The following ADARB2 variants were observed in gnomAD, a reference collection of about 807,000 sequenced individuals.
The protein encoded by ADARB2 is inactive double-stranded RNA-specific editase B2.
Under a neutral mutation model 62.2 loss-of-function variants are expected in ADARB2, and 25 were observed. The ratio of observed to expected loss-of-function variants is 0.40; its 90% CI spans 0.29 to 0.56. ADARB2 has a LOEUF of 0.56. Ranked by LOEUF, ADARB2 falls within the 20% of genes least tolerant of loss-of-function variation. The pLI is 0.43. For missense variants in ADARB2, 1,071 were observed against 1,077.4 expected (o/e 0.99, Z 0.08); for synonymous variants, 572 against 500.8 (o/e 1.14, Z -1.90).
chr10:1,715,941 G>A (rs993337054), intron 1 of ADARB2, among the ~76,000 whole-genome samples: 10 of 152,290 alleles, frequency 6.6e-5, no homozygotes, highest in Middle Eastern at 3.4e-3. Context: ...CACACTTCTC[G>A]CCCGACTGCT....
intron 1 of ADARB2, among the ~76,000 whole-genome samples, chr10:1,536,886 C>T (rs1832339485): frequency 6.6e-6 from 1 of 152,194 alleles, no homozygotes; most frequent in African/African-American, 2.4e-5. Flanking sequence ...CAATGCCATT[C>T]AGGACATAGT....
chr10:1,679,192 C>G (rs1163571068), intron 1 of ADARB2, among the ~76,000 whole-genome samples: 1 of 152,184 alleles, frequency 6.6e-6, no homozygotes, highest in Admixed American at 6.5e-5. Context: ...GAGCTGCCCT[C>G]TCCTTCATCC....
At chr10:1,559,075 A>C (rs940585332) in intron 1 of ADARB2, among the ~76,000 whole-genome samples, 1 of 152,218 alleles carries the variant, frequency 6.6e-6, no homozygotes, top group Non-Finnish European at 1.5e-5. Flanking sequence ...GTCCACGTAC[A>C]CATCCACATG....
At chr10:1,534,634 T>C (rs533064976) in intron 1 of ADARB2, 51 of 153,370 alleles carry the variant, frequency 3.3e-4, no homozygotes, top group Admixed American at 1.3e-3. Context: ...TTCCCTGTTT[T>C]ACCCTGTGGT....
chr10:1,242,240 C>T lies in ADARB2; in HGVS notation c.1252G>A (p.Gly418Ser), dbSNP rs146452150. ...AGCCCCTGGTCACTGAGGTGCTCGC[C>T]GCTGATGCACTTGGTCCCCGAGGAC... Reference protein sequence around the residue: ...ALSSGTKCISGEHLSDQGLVV... With the variant: ...ALSSGTKCISSEHLSDQGLVV... Residue 418 changes from glycine (G) to serine (S), a missense_variant, in exon 5 of 10, where the codon GGC (glycine) becomes AGC (serine). Coordinates refer to ENST00000381312, the MANE Select transcript of ADARB2 (RefSeq NM_018702.4). The T allele has an allele frequency of 6.3e-3, 9,992 of 1,595,306 alleles. 40 individuals are homozygous for T. Among genetic ancestry groups the T allele is most frequent in the Non-Finnish European group, 7.7e-3 (8,980 of 1,172,400 alleles).
intron 1 of ADARB2, among the ~76,000 whole-genome samples, chr10:1,406,981 A>AC (rs1360603922): frequency 3.3e-5 from 5 of 152,156 alleles, no homozygotes; most frequent in Non-Finnish European, 2.9e-5. Context: ...ATGGCCAGGG[A>AC]CGCTGGTGAT....
At chr10:1,480,547 A>C in intron 1 of ADARB2, among the ~76,000 whole-genome samples, 1 of 152,050 alleles carries the variant, frequency 6.6e-6, no homozygotes, top group East Asian at 1.9e-4. Flanking sequence ...AAATACAAAA[A>C]ATTAGCTGGC....
chr10:1,732,636 A>G (rs1835248464), intron 1 of ADARB2, among the ~76,000 whole-genome samples: 1 of 152,170 alleles, frequency 6.6e-6, no homozygotes, highest in Non-Finnish European at 1.5e-5. Flanking sequence ...CTTCCTCTTG[A>G]GCTGTCAGTG....
chr10:1,254,364 G>A (rs1017441798), intron 4 of ADARB2, among the ~76,000 whole-genome samples: 2 of 152,250 alleles, frequency 1.3e-5, no homozygotes, highest in Non-Finnish European at 2.9e-5. Flanking sequence ...ATGGGTAGAA[G>A]CCTTGCTCAC....
At chr10:1,278,506 A>C (rs1170899465) in intron 3 of ADARB2, among the ~76,000 whole-genome samples, 3 of 151,796 alleles carry the variant, frequency 2.0e-5, no homozygotes, top group Non-Finnish European at 4.4e-5. Context: ...TCCACTCATA[A>C]GTGAGAACAT....
chr10:1,687,764 G>A (rs368133614), intron 1 of ADARB2, among the ~76,000 whole-genome samples: 1 of 152,106 alleles, frequency 6.6e-6, no homozygotes, highest in Non-Finnish European at 1.5e-5. Flanking sequence ...ATTCAGGGCC[G>A]GGCAGGAGGG....
chr10:1,658,042 CTCT>C (rs1834194290), intron 1 of ADARB2, among the ~76,000 whole-genome samples: 1 of 100,450 alleles, frequency 1.0e-5, no homozygotes, highest in Non-Finnish European at 2.4e-5. Flanking sequence ...GTCTGTGTAT[CTCT>C]TCTGTCTCTA....
At chr10:1,267,651 AC>A (rs552120792) in intron 4 of ADARB2, among the ~76,000 whole-genome samples, 76 of 152,326 alleles carry the variant, frequency 5.0e-4, no homozygotes, top group African/African-American at 1.7e-3. Context: ...CCAGAAAAAA[AC>A]ACGCACAATA....
At chr10:1,546,677 C>T (rs913513966) in intron 1 of ADARB2, among the ~76,000 whole-genome samples, 6 of 152,224 alleles carry the variant, frequency 3.9e-5, no homozygotes, top group Non-Finnish European at 7.3e-5. Flanking sequence ...AGAAAGGCCA[C>T]GTCCCGGCTG....
intron 1 of ADARB2, among the ~76,000 whole-genome samples, chr10:1,717,102 T>C (rs1835028305): frequency 6.7e-6 from 1 of 150,228 alleles, no homozygotes; most frequent in Admixed American, 6.7e-5. Flanking sequence ...GATCACGTGT[T>C]TCACAACCAA....
rs553204988 is a variant in ADARB2, at chr10:1,463,815, A to G, written c.101-84655T>C. Reference sequence around the variant, plus strand: ...CTGGACCAGTATCCAGAATAGGGAAAGCACTCTCAAAATTCAAAATTAAGA... The same window carrying G: ...CTGGACCAGTATCCAGAATAGGGAAGGCACTCTCAAAATTCAAAATTAAGA... On this transcript the variant is annotated intron_variant, in intron 1 of 9. Coordinates refer to ENST00000381312, the MANE Select transcript of ADARB2 (RefSeq NM_018702.4). 9.9e-5 allele frequency among the ~76,000 whole-genome samples: 15 copies of G among 152,216 alleles called. No individual in the cohort carries two copies. In the East Asian group the frequency reaches 2.9e-3, roughly 29 times the overall value.
rs183452888 is a variant in ADARB2 at position 1,269,472 on chromosome 10, G to C, written c.1192+1483C>G. Among the ~76,000 whole-genome samples, 91 of 152,346 alleles carry C rather than the reference G, an allele frequency of 6.0e-4. 1 individual carries two copies. Among genetic ancestry groups the C allele is most frequent in the African/African-American group, 2.0e-3 (82 of 41,574 alleles). On this transcript the variant is annotated intron_variant, in intron 4 of 9. Transcript: ENST00000381312. ...AACACTTACATGGTACTTGCCATGG[G>C]CTAGGTAACTTTCTAAGAGCTGGAA...
chr10:1,584,097 C>T lies in ADARB2; in HGVS notation c.100+152954G>A, dbSNP rs572081275. ...AGGTATGATGCTGACTTTTTAGATA[C>T]GACACCCAAGAAACAATCCATAAAA... On this transcript the variant is annotated intron_variant, in intron 1 of 9. Transcript: ENST00000381312. 1.7e-4 allele frequency among the ~76,000 whole-genome samples: 26 copies of T among 152,164 alleles called. No individual in the cohort carries two copies. The South Asian group carries it at 2.7e-3, about 16-fold the overall frequency.
chr10:1,526,741 TC>T, intron 1 of ADARB2: 2 of 391,172 alleles, frequency 5.1e-6, no homozygotes, highest in South Asian at 3.7e-5. Flanking sequence ...GGTGTTCCTT[TC>T]TAGCAACACA....
Sources: allele counts gnomAD v4.1 joint callset (sites outside exome capture counted in the v4.1 genomes callset), GRCh38; gene constraint gnomAD v4.1.1; transcripts MANE v1.5; gene names NCBI Gene and HGNC (gene_info 2026-07-23, HGNC 2026-07-21).